PDE7B: variants seen among roughly 807,000 people sequenced by gnomAD.
The protein encoded by PDE7B is 3',5'-cyclic-AMP phosphodiesterase 7B.
PDE7B carries 29 observed loss-of-function variants against 56.2 expected under a neutral mutation model. The observed-to-expected ratio is 0.52, with a 90% CI of 0.38 to 0.70. The LOEUF is 0.70. Among genes scored for constraint, PDE7B ranks in the 30% least tolerant of loss-of-function variants. PDE7B has a pLI of 0.00. For synonymous variants in PDE7B, 197 were observed against 196.9 expected (o/e 1.00, Z 0.00); for missense variants, 490 against 565.0 (o/e 0.87, Z 1.35).
At chr6:136,007,309 G>C (rs952198905) in intron 2 of PDE7B, among the ~76,000 whole-genome samples, 1 of 152,092 alleles carries the variant, frequency 6.6e-6, no homozygotes, top group African/African-American at 2.4e-5. Flanking sequence ...GATTCAGTTT[G>C]AACTATTTTG....
chr6:135,983,249 G>A (rs1198665916), intron 2 of PDE7B, among the ~76,000 whole-genome samples: 9 of 152,126 alleles, frequency 5.9e-5, no homozygotes, highest in Admixed American at 5.9e-4. Context: ...ACTTGTTGTT[G>A]ACTCAGCAGT....
intron 8 of PDE7B, among the ~76,000 whole-genome samples, chr6:136,158,247 C>T (rs1035369795): frequency 1.3e-5 from 2 of 152,086 alleles, no homozygotes; most frequent in African/African-American, 4.8e-5. Context: ...TGTTTGCATG[C>T]ACATTTTCCT....
chr6:136,178,924 T>C, intron 9 of PDE7B, 73 bp from the exon 10 acceptor site: 7 of 1,483,556 alleles, frequency 4.7e-6, no homozygotes, highest in Non-Finnish European at 6.6e-6. Flanking sequence ...CACCTGATGA[T>C]GATAAAATCA....
chr6:136,081,358 A>C (rs1253784302), intron 2 of PDE7B, among the ~76,000 whole-genome samples: 1 of 152,190 alleles, frequency 6.6e-6, no homozygotes, highest in Non-Finnish European at 1.5e-5. Flanking sequence ...CAAAATTTTC[A>C]AGATCTGATG....
At chr6:136,127,318 G>C (rs989499212) in intron 3 of PDE7B, among the ~76,000 whole-genome samples, 1 of 152,110 alleles carries the variant, frequency 6.6e-6, no homozygotes, top group Non-Finnish European at 1.5e-5. Context: ...CTCCTAGGAG[G>C]TAATGCCTCC....
intron 2 of PDE7B, among the ~76,000 whole-genome samples, chr6:136,056,600 T>A (rs1776740037): frequency 7.0e-6 from 1 of 141,890 alleles, no homozygotes; most frequent in Non-Finnish European, 1.5e-5. Context: ...GGCGTGATCT[T>A]GGCTCACTGC....
chr6:135,886,329 C>G (rs1775709119), intron 1 of PDE7B, among the ~76,000 whole-genome samples: 1 of 151,940 alleles, frequency 6.6e-6, no homozygotes, highest in South Asian at 2.1e-4. Context: ...TATTTCCTTC[C>G]CTTTATCATC....
intron 3 of PDE7B, among the ~76,000 whole-genome samples, chr6:136,112,073 G>A (rs1052239817): frequency 6.6e-6 from 1 of 152,086 alleles, no homozygotes; most frequent in East Asian, 1.9e-4. Flanking sequence ...CGCTGGGTGG[G>A]TGTCCCTCCC....
At chr6:135,902,880 C>T (rs1424706381) in intron 1 of PDE7B, among the ~76,000 whole-genome samples, 2 of 151,986 alleles carry the variant, frequency 1.3e-5, no homozygotes, top group Non-Finnish European at 2.9e-5. Context: ...TCACAGCAAC[C>T]CTGGAAAGTT....
At chr6:135,944,282 G>A (rs949869983) in intron 1 of PDE7B, among the ~76,000 whole-genome samples, 50 of 152,090 alleles carry the variant, frequency 3.3e-4, no homozygotes, top group African/African-American at 1.1e-3. Flanking sequence ...TAGACCCTGT[G>A]GCTTAGCCCA....
At chr6:136,139,386 T>G (rs536643362) in intron 3 of PDE7B, among the ~76,000 whole-genome samples, 1 of 152,324 alleles carries the variant, frequency 6.6e-6, no homozygotes, top group South Asian at 2.1e-4. Flanking sequence ...ACATTTGGGT[T>G]GGTTCCAAGT....
chr6:135,869,239 A>T (rs909796592), intron 1 of PDE7B, among the ~76,000 whole-genome samples: 5 of 152,138 alleles, frequency 3.3e-5, no homozygotes, highest in Admixed American at 2.0e-4. Flanking sequence ...TGCACATGTG[A>T]CAAACTATTA....
chr6:135,963,721 T>C (rs1774945959), intron 2 of PDE7B, among the ~76,000 whole-genome samples: 2 of 151,960 alleles, frequency 1.3e-5, no homozygotes, highest in South Asian at 2.1e-4. Context: ...TAAAAAAACA[T>C]GGAAAGGAAA....
At chr6:136,038,827 G>T (rs7745535) in intron 2 of PDE7B, among the ~76,000 whole-genome samples, 2,158 of 152,310 alleles carry the variant, frequency 0.014, 60 homozygotes, top group African/African-American at 0.048. Flanking sequence ...CAAGGAGGGG[G>T]TGGAATTGGA....
intron 2 of PDE7B, chr6:136,070,459 T>C (rs1426969350): frequency 6.6e-6 from 1 of 152,180 alleles, no homozygotes; most frequent in Non-Finnish European, 1.5e-5. Flanking sequence ...TATATGACTA[T>C]AATATGTCAT....
At chr6:135,880,253 C>G (rs992206615) in intron 1 of PDE7B, among the ~76,000 whole-genome samples, 1 of 152,148 alleles carries the variant, frequency 6.6e-6, no homozygotes, top group African/African-American at 2.4e-5. Flanking sequence ...TACAGATAAT[C>G]CACTAAACAG....
At chr6:136,165,824 T>A (rs1437900593) in intron 8 of PDE7B, among the ~76,000 whole-genome samples, 1 of 152,182 alleles carries the variant, frequency 6.6e-6, no homozygotes, top group African/African-American at 2.4e-5. Flanking sequence ...CACCTAGTTA[T>A]AAAGGAGGCT....
intron 1 of PDE7B, among the ~76,000 whole-genome samples, chr6:135,859,794 A>G (rs1333185163): frequency 1.3e-5 from 2 of 151,996 alleles, no homozygotes; most frequent in African/African-American, 2.4e-5. Flanking sequence ...TTTAAAATAT[A>G]TTGTCTCCTT....
chr6:136,013,410 A>C (rs992792537), intron 2 of PDE7B, among the ~76,000 whole-genome samples: 1 of 152,198 alleles, frequency 6.6e-6, no homozygotes, highest in Non-Finnish European at 1.5e-5. Flanking sequence ...GAACTGAGAG[A>C]AGTCACAGCA....
Sources: allele counts gnomAD v4.1 joint callset (sites outside exome capture counted in the v4.1 genomes callset), GRCh38; gene constraint gnomAD v4.1.1; transcripts MANE v1.5; gene names NCBI Gene and HGNC (gene_info 2026-07-23, HGNC 2026-07-21).